Variants in PRR16 observed in about 807,000 individuals in gnomAD.
PRR16 encodes the protein protein Largen.
In PRR16, 6 loss-of-function variants were observed where a neutral mutation model predicts 18.2. The observed-to-expected ratio is 0.33, with a 90% CI of 0.18 to 0.65. The LOEUF is 0.65. PRR16 is among the 30% of genes least tolerant of loss of function. PRR16 has a pLI of 0.74. For synonymous variants in PRR16, 151 were observed against 147.8 expected, an observed-to-expected ratio of 1.02 and a Z score of -0.16; for missense variants, 412 against 376.6, an observed-to-expected ratio of 1.09 and a Z score of -0.78.
At chr5:120,650,091 G>A (rs78541113) in intron 1 of PRR16, among the ~76,000 whole-genome samples, 39,985 of 151,520 alleles carry the variant, frequency 0.26, 6,209 homozygotes, top group Middle Eastern at 0.42. Context: ...GGCAGCGCGC[G>A]TCTGTAGTGG....
At chr5:120,546,885 C>T (rs1025657500) in intron 1 of PRR16, among the ~76,000 whole-genome samples, 1 of 152,044 alleles carries the variant, frequency 6.6e-6, no homozygotes. Flanking sequence ...GCAGCACTAA[C>T]CCATAGGCCG....
intron 1 of PRR16, among the ~76,000 whole-genome samples, chr5:120,546,706 A>G (rs952904826): frequency 7.2e-5 from 11 of 152,036 alleles, no homozygotes; most frequent in African/African-American, 2.4e-4. Context: ...GAGAGTGAAC[A>G]TGGAAATTCA....
In PRR16 at chr5:120,634,981, T is replaced by C. The variant is rs114252496; in HGVS notation, c.160-50973T>C. On this transcript the variant is annotated intron_variant, in intron 1 of 1. Transcript: ENST00000407149. ...TACAAAAAAATATGCAAGGCTACTA[T>C]GAACATCTTTACATACATAAACTAG... is the stretch of plus-strand genomic sequence containing the variant. 7.2e-3 allele frequency among the ~76,000 whole-genome samples: 1,101 copies of C among 152,250 alleles called. 13 individuals are homozygous for C. The highest frequency in any genetic ancestry group is 0.025 in the African/African-American group (1,055 of 41,560).
At chr5:120,709,040 C>T in the PRR16 span, among the ~76,000 whole-genome samples, 2 of 115,674 alleles carry the variant, frequency 1.7e-5, no homozygotes, top group Non-Finnish European at 3.2e-5. Context: ...CAGAGTCTTG[C>T]TCTGTGGTCC....
At chr5:120,732,361 C>T in the PRR16 span, among the ~76,000 whole-genome samples, 7 of 152,034 alleles carry the variant, frequency 4.6e-5, no homozygotes, top group South Asian at 4.1e-4. Flanking sequence ...GATCTGAAGA[C>T]GAGGGAGTGG....
At chr5:120,642,954 AAC>A (rs1377406519) in intron 1 of PRR16, among the ~76,000 whole-genome samples, 2 of 152,078 alleles carry the variant, frequency 1.3e-5, no homozygotes, top group African/African-American at 2.4e-5. Flanking sequence ...CTGATTACCT[AAC>A]ACAGTCTTTC....
At chr5:120,624,585 C>T (rs1754800249) in intron 1 of PRR16, among the ~76,000 whole-genome samples, 1 of 152,146 alleles carries the variant, frequency 6.6e-6, no homozygotes, top group Non-Finnish European at 1.5e-5. Context: ...TACTCAACAT[C>T]TCTGTGCCTC....
At position 120,566,328 on chromosome 5, in the gene PRR16, C is replaced by T. The variant is rs1187739347; in HGVS notation, c.159+101683C>T. On this transcript the variant is annotated intron_variant, in intron 1 of 1. Coordinates refer to ENST00000407149, the MANE Select transcript of PRR16 (RefSeq NM_001300783.2). Reference sequence around the variant, plus strand: ...ATACATCTCTTTCCTTTATGAAGAACCCAGTCTGTGGTTTTCTGTTACAGC... The same window carrying T: ...ATACATCTCTTTCCTTTATGAAGAATCCAGTCTGTGGTTTTCTGTTACAGC... 5.3e-5 allele frequency among the ~76,000 whole-genome samples: 8 copies of T among 152,172 alleles called. 1 individual carries two copies. The highest frequency in any genetic ancestry group is 4.6e-4 in the Admixed American group (7 of 15,278).
chr5:120,508,218 A>T (rs1279030254), intron 1 of PRR16, among the ~76,000 whole-genome samples: 1 of 152,146 alleles, frequency 6.6e-6, no homozygotes, highest in African/African-American at 2.4e-5. Context: ...CAAAACTTCC[A>T]TCTTGAGAAG....
In PRR16 at chr5:120,503,999, A is replaced by G. The variant is rs974326941; in HGVS notation, c.159+39354A>G. On this transcript the variant is annotated intron_variant, in intron 1 of 1. Transcript: ENST00000407149. ...ATTTTTTATGGCTGCATAGTATTCC[A>G]TGATGTATATGTGCCACATTTTCTT... is the stretch of plus-strand genomic sequence containing the variant. 3.3e-5 allele frequency among the ~76,000 whole-genome samples: 5 copies of G among 151,990 alleles called. No homozygotes were observed. The East Asian group carries it at 9.7e-4, about 30-fold the overall frequency.
At chr5:120,548,286 A>T (rs1288324963) in intron 1 of PRR16, among the ~76,000 whole-genome samples, 1 of 152,100 alleles carries the variant, frequency 6.6e-6, no homozygotes, top group African/African-American at 2.4e-5. Context: ...GCACATGCAG[A>T]CATTATTTTT....
chr5:120,565,963 T>C (rs11241549), intron 1 of PRR16, among the ~76,000 whole-genome samples: 30,577 of 152,162 alleles, frequency 0.2, 4,029 homozygotes, highest in East Asian at 0.69. Context: ...TCACAACATA[T>C]TCTGTGTTAA....
the PRR16 span, among the ~76,000 whole-genome samples, chr5:120,738,044 A>T: frequency 6.6e-6 from 1 of 152,142 alleles, no homozygotes; most frequent in African/African-American, 2.4e-5. Flanking sequence ...AAGCCTAAGA[A>T]AATGCCTTTT....
the PRR16 span, among the ~76,000 whole-genome samples, chr5:120,741,280 G>GT: frequency 6.6e-6 from 1 of 152,010 alleles, no homozygotes; most frequent in East Asian, 1.9e-4. Flanking sequence ...GAGTCTCACT[G>GT]TGTTGCCCAG....
chr5:120,785,638 T>C, the PRR16 span, among the ~76,000 whole-genome samples: 42 of 144,800 alleles, frequency 2.9e-4, no homozygotes, highest in Admixed American at 2.8e-3. Flanking sequence ...AGTGGCGCGA[T>C]CTCAGCTCAC....
intron 1 of PRR16, among the ~76,000 whole-genome samples, chr5:120,519,348 C>T (rs1163641025): frequency 6.6e-6 from 1 of 151,962 alleles, no homozygotes; most frequent in Non-Finnish European, 1.5e-5. Context: ...AAATGATATT[C>T]TGTATAGTGA....
At chr5:120,708,390 T>C in the PRR16 span, among the ~76,000 whole-genome samples, 2 of 152,126 alleles carry the variant, frequency 1.3e-5, no homozygotes. Context: ...TTCAATAGAG[T>C]GGTGATTAGT....
At chr5:120,687,701 A>G (rs1246830279), downstream of PRR16, among the ~76,000 whole-genome samples, 1 of 152,194 alleles carries the variant, frequency 6.6e-6, no homozygotes, top group Non-Finnish European at 1.5e-5. Flanking sequence ...TTCTGGTATC[A>G]GGATGTGTTC....
chr5:120,678,700 C>T (rs545090698), intron 1 of PRR16, among the ~76,000 whole-genome samples: 1 of 152,236 alleles, frequency 6.6e-6, no homozygotes, highest in South Asian at 2.1e-4. Flanking sequence ...AGTTTCTAGT[C>T]TTTTCTAAAT....
Sources: gnomAD v4.1 joint callset for allele counts (sites outside exome capture counted in the v4.1 genomes callset) on GRCh38, gnomAD v4.1.1 for gene constraint, MANE v1.5 for transcripts, NCBI Gene and HGNC (gene_info 2026-07-23, HGNC 2026-07-21) for gene names.